SLC36A1: variants seen among roughly 807,000 people sequenced by gnomAD.
SLC36A1 encodes the protein solute carrier family 36 member 1.
Under a neutral mutation model 47.5 loss-of-function variants are expected in SLC36A1, and 30 were observed. The ratio of observed to expected loss-of-function variants is 0.63; its 90% CI spans 0.47 to 0.86. The LOEUF (loss-of-function observed/expected upper bound fraction) is 0.86, where lower values mean the gene tolerates loss of function less well. SLC36A1 is among the 40% of genes least tolerant of loss of function. The pLI, the probability that SLC36A1 is intolerant of heterozygous loss-of-function variation, is 0.00. For synonymous variants in SLC36A1, 255 were observed against 249.7 expected (o/e 1.02, Z -0.20); for missense variants, 517 against 606.0 (o/e 0.85, Z 1.54).
intron 2 of SLC36A1, among the ~76,000 whole-genome samples, chr5:151,461,769 T>C (rs1457567252): frequency 6.6e-6 from 1 of 152,212 alleles, no homozygotes; most frequent in Non-Finnish European, 1.5e-5. Flanking sequence ...CCTTTGCACT[T>C]AATAATGTCT....
Position 151,467,303 on chromosome 5 carries a change from A to AAT in SLC36A1, c.504+20_504+21insAT. 1 of 1,348,988 alleles carries AAT rather than the reference A, an allele frequency of 7.4e-7. No homozygotes were observed. Among genetic ancestry groups the AAT allele is most frequent in the Non-Finnish European group, 1.0e-6 (1 of 993,512 alleles). The allele number at this position is 1,348,988 out of a possible 1,614,324, so 83.6% of individuals were successfully genotyped here. On this transcript the variant is annotated intron_variant, in intron 6 of 10. Coordinates refer to ENST00000243389, the MANE Select transcript of SLC36A1 (RefSeq NM_078483.4). Reference sequence around the variant, plus strand: ...AAACAGGTAGGCACCTGGTTAAAAAAGAAAAAAAAAAAAAAAACCAGAGCG... The same window carrying AAT: ...AAACAGGTAGGCACCTGGTTAAAAAAATGAAAAAAAAAAAAAAAACCAGAGCG...
the SLC36A1 span, among the ~76,000 whole-genome samples, chr5:151,508,436 G>A: frequency 2.6e-5 from 4 of 152,310 alleles, no homozygotes; most frequent in East Asian, 1.9e-4. Context: ...TCGACTGGGC[G>A]CAGTGGCTCA....
the SLC36A1 span, among the ~76,000 whole-genome samples, chr5:151,546,554 T>C: frequency 6.6e-6 from 1 of 152,182 alleles, no homozygotes; most frequent in African/African-American, 2.4e-5. Flanking sequence ...CAATTATCAC[T>C]AAGTTTCTGG....
chr5:151,488,355 G>T lies in SLC36A1; in HGVS notation c.*101G>T. 1.2e-5 allele frequency: 17 copies of T among 1,453,522 alleles called. No homozygotes were observed. The highest frequency in any genetic ancestry group is 1.5e-5 in the Non-Finnish European group (16 of 1,080,676). 90.0% of individuals were successfully genotyped at this position (1,453,522 alleles called of 1,614,324 possible). ...ATGGTCCAGGCTCTGAGGAAAGTCAGGGTTGCTGTGTGGGAACCCCTCTGC... is the reference window on the plus strand; with the variant it reads ...ATGGTCCAGGCTCTGAGGAAAGTCATGGTTGCTGTGTGGGAACCCCTCTGC... On this transcript the variant is annotated 3_prime_UTR_variant, in exon 11 of 11. Transcript: ENST00000243389.
intron 3 of SLC36A1, 146 bp downstream of exon 3, chr5:151,463,789 C>A (rs1755939814): frequency 3.0e-6 from 2 of 671,724 alleles, no homozygotes; most frequent in Admixed American, 2.4e-5. Flanking sequence ...TTCAGACATT[C>A]ATTCACTTAA....
chr5:151,468,909 A>C (rs1000176320), intron 7 of SLC36A1, among the ~76,000 whole-genome samples: 42 of 152,156 alleles, frequency 2.8e-4, no homozygotes, highest in African/African-American at 9.9e-4. Flanking sequence ...CCTTGCCCTC[A>C]CTTAACCCAT....
the SLC36A1 span, chr5:151,545,595 G>A: frequency 7.4e-6 from 12 of 1,613,944 alleles, no homozygotes; most frequent in East Asian, 8.9e-5. Context: ...GGCTTCCTTG[G>A]TCATGGACAT....
the SLC36A1 span, chr5:151,542,380 A>G: frequency 6.2e-7 from 1 of 1,614,176 alleles, no homozygotes; most frequent in Admixed American, 1.7e-5. Context: ...ACTGTTCTCA[A>G]CCACAGATCC....
At chr5:151,520,503 G>A in the SLC36A1 span, among the ~76,000 whole-genome samples, 3 of 152,206 alleles carry the variant, frequency 2.0e-5, no homozygotes, top group African/African-American at 4.8e-5. Flanking sequence ...TCTACACAGA[G>A]TGTGGCGTAC....
upstream of SLC36A1, among the ~76,000 whole-genome samples, chr5:151,436,843 A>G (rs1349557894): frequency 6.6e-6 from 1 of 152,252 alleles, no homozygotes; most frequent in East Asian, 1.9e-4. Context: ...TTCATTGGTG[A>G]GAAACAGAAG....
downstream of SLC36A1, among the ~76,000 whole-genome samples, chr5:151,495,810 A>G (rs139616966): frequency 6.6e-3 from 1,002 of 152,216 alleles, 10 homozygotes; most frequent in African/African-American, 0.023. Context: ...TCTTTCACTC[A>G]GTATAATTTC....
At chr5:151,449,293 T>G (rs1054796274) in intron 1 of SLC36A1, among the ~76,000 whole-genome samples, 1 of 152,246 alleles carries the variant, frequency 6.6e-6, no homozygotes, top group Non-Finnish European at 1.5e-5. Flanking sequence ...GGCCCTCTTC[T>G]GACTCTTGTC....
At chr5:151,469,805 A>G (rs1299686840) in intron 7 of SLC36A1, among the ~76,000 whole-genome samples, 3 of 151,084 alleles carry the variant, frequency 2.0e-5, no homozygotes, top group African/African-American at 7.3e-5. Context: ...GTATTTATAT[A>G]TAGTATAATT....
chr5:151,444,272 A>C (rs1270176628), upstream of SLC36A1, among the ~76,000 whole-genome samples: 2 of 152,178 alleles, frequency 1.3e-5, no homozygotes, highest in African/African-American at 4.8e-5. Context: ...GGACATTTCC[A>C]CAATGTTAAT....
upstream of SLC36A1, among the ~76,000 whole-genome samples, chr5:151,432,946 A>T (rs1374503197): frequency 1.3e-5 from 2 of 151,920 alleles, no homozygotes; most frequent in African/African-American, 4.8e-5. Flanking sequence ...AGCCTTATGA[A>T]ATCCTAAGCA....
At chr5:151,505,779 G>A in the SLC36A1 span, 2 of 1,614,046 alleles carry the variant, frequency 1.2e-6, no homozygotes, top group South Asian at 1.1e-5. Context: ...CCGGAACTGC[G>A]AGTGGTAGTA....
chr5:151,408,785 T>G, the SLC36A1 span, among the ~76,000 whole-genome samples: 1 of 152,114 alleles, frequency 6.6e-6, no homozygotes, highest in Admixed American at 6.6e-5. Context: ...TAAAGAGATA[T>G]CAGCCATGAA....
the SLC36A1 span, chr5:151,537,679 T>C: frequency 4.8e-6 from 5 of 1,045,224 alleles, no homozygotes; most frequent in Non-Finnish European, 6.9e-6. Flanking sequence ...CAATATATGT[T>C]TGCTGATAGA....
At chr5:151,345,180 TAA>T in the SLC36A1 span, among the ~76,000 whole-genome samples, 1 of 152,228 alleles carries the variant, frequency 6.6e-6, no homozygotes, top group East Asian at 1.9e-4. Context: ...TGTACCAGGT[TAA>T]GTCAAGGCGA....
Sources: allele counts gnomAD v4.1 joint callset (sites outside exome capture counted in the v4.1 genomes callset), GRCh38; gene constraint gnomAD v4.1.1; transcripts MANE v1.5; gene names NCBI Gene and HGNC (gene_info 2026-07-23, HGNC 2026-07-21).